The following NYNRIN variants were observed in gnomAD, a reference collection of about 807,000 sequenced individuals.
NYNRIN encodes protein NYNRIN.
Under a neutral mutation model 146.6 loss-of-function variants are expected in NYNRIN, and 86 were observed. The ratio of observed to expected loss-of-function variants is 0.59; its 90% CI spans 0.49 to 0.70. The LOEUF (loss-of-function observed/expected upper bound fraction) is 0.70. Among genes scored for constraint, NYNRIN ranks in the 30% least tolerant of loss-of-function variants. The probability of loss-of-function intolerance (pLI) is 0.00; values close to 1 mark genes in which losing one functional copy is unlikely to be tolerated. For missense variants in NYNRIN, 2,191 were observed against 2,377.7 expected (o/e 0.92, Z 1.63); for synonymous variants, 1,027 against 1,001.3 (o/e 1.03, Z -0.48).
At chr14:24,406,832 A>G (rs1326120302) in intron 2 of NYNRIN, among the ~76,000 whole-genome samples, 1 of 152,272 alleles carries the variant, frequency 6.6e-6, no homozygotes, top group Non-Finnish European at 1.5e-5. Context: ...GACCGCACAG[A>G]TGGAACTCAG....
At chr14:24,399,956 A>T (rs1951126) in intron 2 of NYNRIN, among the ~76,000 whole-genome samples, 88,646 of 152,020 alleles carry the variant, frequency 0.58, 26,419 homozygotes, top group Middle Eastern at 0.64. Context: ...AGATGCTTCT[A>T]GAGTGATACT....
rs757937013 is a variant in NYNRIN, at chr14:24,414,888, C to T, written c.3139C>T (p.Pro1047Ser). ...EILRCLSLHD[P>S]PDGALDIDLL... ...CCTGCGGTGCCTCAGCCTCCATGATCCCCCTGATGGGGCCCTGGACATCGA... is the reference window on the plus strand; with the variant it reads ...CCTGCGGTGCCTCAGCCTCCATGATTCCCCTGATGGGGCCCTGGACATCGA... The change falls in exon 9 of 9, where the codon CCC becomes TCC. Residue 1047 changes from proline (P) to serine (S), a missense_variant. Around this residue, in one of 3 missense-constraint regions of NYNRIN, gnomAD observed 1,291 missense variants for 1,417.0 expected, o/e 0.91. Transcript: ENST00000382554. 6.8e-6 allele frequency: 11 copies of T among 1,608,988 alleles called. No homozygotes were observed. The highest frequency in any genetic ancestry group is 8.5e-6 in the Non-Finnish European group (10 of 1,176,138).
intron 8 of NYNRIN, among the ~76,000 whole-genome samples, chr14:24,413,972 A>G (rs1250252022): frequency 2.0e-5 from 3 of 152,192 alleles, no homozygotes; most frequent in African/African-American, 7.2e-5. Flanking sequence ...TCTTCATTTT[A>G]TAGATGAGGA....
rs1336532058 is a variant in NYNRIN, at chr14:24,408,464, G to A, written c.794G>A (p.Gly265Glu). The A allele has an allele frequency of 6.2e-7, 1 of 1,610,952 alleles. No individual in the cohort carries two copies. Among genetic ancestry groups the A allele is most frequent in the Admixed American group, 1.7e-5 (1 of 59,712 alleles). Residue 265 changes from glycine to glutamate, a missense_variant, in exon 3 of 9, where the codon GGA becomes GAA. Gly to Glu is a moderately conservative substitution (Grantham distance 98, BLOSUM62 -2). This residue lies in a region of NYNRIN where 895 missense variants were observed against 941.2 expected (regional missense o/e 0.95). Coordinates refer to ENST00000382554, the MANE Select transcript of NYNRIN (RefSeq NM_025081.3). ...PENSKRLSSL[G>E]ATGSLITAQS... Reference sequence around the variant, plus strand: ...AATTCAAAGAGATTATCTAGCCTGGGAGCCACTGGGTCCCTGATCACAGCC... The same window carrying A: ...AATTCAAAGAGATTATCTAGCCTGGAAGCCACTGGGTCCCTGATCACAGCC...
At chr14:24,407,465 T>C (rs1401917653) in intron 2 of NYNRIN, among the ~76,000 whole-genome samples, 1 of 152,168 alleles carries the variant, frequency 6.6e-6, no homozygotes, top group Non-Finnish European at 1.5e-5. Context: ...TCCCCAGCTG[T>C]CACACAATTC....
In NYNRIN at chr14:24,409,709, G is replaced by C; in HGVS notation, c.1915G>C (p.Gly639Arg). 1.6e-5 allele frequency: 26 copies of C among 1,606,534 alleles called. No homozygotes were observed. The highest frequency in any genetic ancestry group is 2.1e-5 in the Non-Finnish European group (25 of 1,176,450). Residue 639 changes from glycine (G) to arginine (R), a missense_variant, in exon 4 of 9, where the codon GGT (glycine) becomes CGT (arginine). This residue lies in a region of NYNRIN where 895 missense variants were observed against 941.2 expected (regional missense o/e 0.95). Transcript: ENST00000382554. The stretch of plus-strand genomic sequence containing the variant: ...GCCTGTAGCAAAAACATCACCTGCA[G>C]GTCCCAAAACACCCAAAGCTCAAGC... Reference protein sequence around the residue: ...KMPVAKTSPAGPKTPKAQAGP... With the variant: ...KMPVAKTSPARPKTPKAQAGP...
Position 24,411,337 on chromosome 14 carries a change from C to T in NYNRIN, c.2546-17C>T, listed in dbSNP as rs1453472877. Reference sequence around the variant, plus strand: ...GCCCTCCCTTGACCATTTCTGTCTTCTGCCTTTCACCCCCAGAGAGCCACT... The same window carrying T: ...GCCCTCCCTTGACCATTTCTGTCTTTTGCCTTTCACCCCCAGAGAGCCACT... On this transcript the variant is annotated splice_polypyrimidine_tract_variant and intron_variant, in intron 5 of 8. Coordinates refer to ENST00000382554, the MANE Select transcript of NYNRIN (RefSeq NM_025081.3). This position sits in a 1 kb window ranked among gnomAD's most constrained non-coding sequence, Gnocchi z 4.3. 6.2e-7 allele frequency: 1 copy of T among 1,613,650 alleles called. No individual in the cohort carries two copies. The highest frequency in any genetic ancestry group is 1.7e-5 in the Admixed American group (1 of 60,010).
chr14:24,404,104 C>T (rs976684977), intron 2 of NYNRIN, among the ~76,000 whole-genome samples: 1 of 152,342 alleles, frequency 6.6e-6, no homozygotes, highest in East Asian at 1.9e-4. Flanking sequence ...TCTGGACACT[C>T]ATGTTCCTCA....
At position 24,408,104 on chromosome 14, in the gene NYNRIN, C is replaced by G; in HGVS notation, c.434C>G (p.Pro145Arg). 6.2e-7 allele frequency: 1 copy of G among 1,612,230 alleles called. No individual in the cohort carries two copies. The highest frequency in any genetic ancestry group is 8.5e-7 in the Non-Finnish European group (1 of 1,179,564). ...EELVGRLRWG[P>R]APLLTPRGIW... ...CTGGTGGGGCGACTGCGCTGGGGCC[C>G]TGCCCCTCTGCTGACCCCCCGGGGG... Residue 145 changes from proline to arginine, a missense_variant, in exon 3 of 9, where the codon CCT becomes CGT. Around this residue, in one of 3 missense-constraint regions of NYNRIN, gnomAD observed 895 missense variants for 941.2 expected, o/e 0.95. Transcript: ENST00000382554.
intron 8 of NYNRIN, among the ~76,000 whole-genome samples, chr14:24,414,255 C>G (rs4982910): frequency 2.0e-5 from 3 of 152,268 alleles, no homozygotes; most frequent in East Asian, 1.9e-4. Context: ...CACTGCCCCC[C>G]CTTTTCCAGG....
At chr14:24,405,017 TGTGTGTGTGTGAGA>T (rs1419336160) in intron 2 of NYNRIN, among the ~76,000 whole-genome samples, 25 of 31,616 alleles carry the variant, frequency 7.9e-4, no homozygotes, top group African/African-American at 1.5e-3. Flanking sequence ...TGTGTGTGTG[TGTGTGTGTGTGAGA>T]GAATGTGTGT....
At position 24,416,613 on chromosome 14, in the gene NYNRIN, G is replaced by A. The variant is rs772962674; in HGVS notation, c.4864G>A (p.Val1622Met). Reference protein sequence around the residue: ...APWSNLQIEVVGPVTISEEGH... With the variant: ...APWSNLQIEVMGPVTISEEGH... ...CTGGTCGAACCTGCAGATCGAGGTG[G>A]TGGGCCCGGTCACCATAAGTGAGGA... The change falls in exon 9 of 9, where the codon GTG becomes ATG. Residue 1622 changes from valine to methionine, a missense_variant. Coordinates refer to ENST00000382554, the MANE Select transcript of NYNRIN (RefSeq NM_025081.3). 1.9e-6 allele frequency: 3 copies of A among 1,613,972 alleles called. No homozygotes were observed. Among genetic ancestry groups the A allele is most frequent in the South Asian group, 2.2e-5 (2 of 91,086 alleles).
chr14:24,418,370 C>T lies in NYNRIN; in HGVS notation c.*924C>T. 2.3e-6 allele frequency: 1 copy of T among 429,378 alleles called. No homozygotes were observed. Among genetic ancestry groups the T allele is most frequent in the Non-Finnish European group, 4.7e-6 (1 of 214,618 alleles). 26.6% of individuals were successfully genotyped at this position (429,378 alleles called of 1,614,324 possible). A position where few individuals can be genotyped will look rare whatever the true frequency, so the allele number is the denominator to read the frequency against. The stretch of plus-strand genomic sequence containing the variant: ...TGCTGGCATGGCTCTACCTCCCAAC[C>T]CCTCCCAACCCCATCCCAAAGCCTA... On this transcript the variant is annotated 3_prime_UTR_variant, in exon 9 of 9. Transcript: ENST00000382554.
rs1305524554 is a variant in NYNRIN at position 24,417,312 on chromosome 14, C to T, written c.5563C>T (p.Arg1855Trp). 7 of 1,612,652 alleles carry T rather than the reference C, an allele frequency of 4.3e-6. No individual in the cohort carries two copies. The highest frequency in any genetic ancestry group is 4.5e-5 in the East Asian group (2 of 44,826). ...KWVGPFYIGD[R>W]LSLSLYRIWG... ...GGTGGGTCCCTTCTATATCGGGGAC[C>T]GGCTGAGCCTGTCACTCTATAGGAT... is the stretch of plus-strand genomic sequence containing the variant. The change falls in exon 9 of 9, where the codon CGG (arginine) becomes TGG (tryptophan). Residue 1855 changes from arginine (R) to tryptophan (W), a missense_variant. This residue lies in a region of NYNRIN where 1,291 missense variants were observed against 1,417.0 expected (regional missense o/e 0.91). Transcript: ENST00000382554.
At position 24,417,420 on chromosome 14, in the gene NYNRIN, C is replaced by T; in HGVS notation, c.5671C>T (p.Leu1891=). 2 of 1,524,972 alleles carry T rather than the reference C, an allele frequency of 1.3e-6. No individual in the cohort carries two copies. Among genetic ancestry groups the T allele is most frequent in the Non-Finnish European group, 1.8e-6 (2 of 1,133,898 alleles). 94.5% of individuals were successfully genotyped at this position (1,524,972 alleles called of 1,614,324 possible). ...GGCCTTTGCCAAGAGTGGCACCCCG[C>T]TGTCCTTCAAGGTCTTGGAGCAGTG... The part of the protein sequence containing the change: ...MKAFAKSGTP[L]SFKVLEQ The change falls in exon 9 of 9, where the codon CTG becomes TTG. Residue 1891 remains leucine, a synonymous_variant. Transcript: ENST00000382554.
intron 1 of NYNRIN, 37 bp from the exon 2 acceptor site, chr14:24,399,193 C>A (rs1207505744): frequency 1.9e-6 from 3 of 1,563,362 alleles, no homozygotes; most frequent in East Asian, 4.6e-5. Flanking sequence ...CCTGCCGCCC[C>A]GAGACCCGGG....
chr14:24,413,419 T>A lies in NYNRIN; in HGVS notation c.2846+2T>A. ...TGAGTTTCTGAAGAAGCCAAACAGG[T>A]AATAGGTCAGACCTCCCCAGCCTCC... is the stretch of plus-strand genomic sequence containing the variant. On this transcript the variant is annotated splice_donor_variant, in intron 8 of 8. Coordinates refer to ENST00000382554, the MANE Select transcript of NYNRIN (RefSeq NM_025081.3). LOFTEE classifies it high-confidence loss of function. 1 of 1,604,394 alleles carries A rather than the reference T, an allele frequency of 6.2e-7. No individual in the cohort carries two copies. The highest frequency in any genetic ancestry group is 8.5e-7 in the Non-Finnish European group (1 of 1,175,044).
Position 24,416,887 on chromosome 14 carries a change from T to C in NYNRIN, c.5138T>C (p.Leu1713Pro), listed in dbSNP as rs374015737. The change falls in exon 9 of 9, where the codon CTG (leucine) becomes CCG (proline). Residue 1713 changes from leucine to proline, a missense_variant. Transcript: ENST00000382554. ...AGTCGGGACCTCCAGTTCCCCTGCC[T>C]GACGAGCTCAGGGGCCTACTGGGAA... The part of the protein sequence containing the change: ...SLSRDLQFPC[L>P]TSSGAYWEFK... 7.9e-5 allele frequency: 127 copies of C among 1,606,846 alleles called. No individual in the cohort carries two copies. Among genetic ancestry groups the C allele is most frequent in the Non-Finnish European group, 1.1e-4 (124 of 1,175,872 alleles).
chr14:24,399,811 T>C (rs1168134851), intron 2 of NYNRIN, among the ~76,000 whole-genome samples: 2 of 152,236 alleles, frequency 1.3e-5, no homozygotes, highest in Non-Finnish European at 2.9e-5. Context: ...GCTGTATTTC[T>C]GTGGCCTCTG....
Sources: allele counts gnomAD v4.1 joint callset (sites outside exome capture counted in the v4.1 genomes callset), GRCh38; gene constraint gnomAD v4.1.1; regional missense constraint gnomAD v4.1.1; non-coding constraint Gnocchi (gnomAD v3.1); transcripts MANE v1.5; gene names NCBI Gene and HGNC (gene_info 2026-07-23, HGNC 2026-07-21).